Variants in PA2G4 observed in about 807,000 individuals in gnomAD.
PA2G4 encodes proliferation-associated 2G4.
In PA2G4, 8 loss-of-function variants were observed where a neutral mutation model predicts 53.3. That is an observed-to-expected ratio of 0.15 (90% CI 0.09 to 0.27). PA2G4 has a LOEUF of 0.27. Ranked by LOEUF, PA2G4 falls within the 10% of genes least tolerant of loss-of-function variation. PA2G4 has a pLI of 1.00. For missense variants in PA2G4, 208 were observed against 486.8 expected (o/e 0.43, Z 5.39); for synonymous variants, 143 against 169.8 (o/e 0.84, Z 1.23).
intron 5 of PA2G4, among the ~76,000 whole-genome samples, chr12:56,108,369 CA>C (rs1869343900): frequency 6.6e-6 from 1 of 152,196 alleles, no homozygotes; most frequent in South Asian, 2.1e-4. Flanking sequence ...TGTTCACATG[CA>C]AAATTTATTG....
At chr12:56,105,863 A>C (rs1869288567) in intron 1 of PA2G4, among the ~76,000 whole-genome samples, 2 of 152,172 alleles carry the variant, frequency 1.3e-5, no homozygotes, top group African/African-American at 4.8e-5. Flanking sequence ...GGTATTTAGG[A>C]TGCCTCCCGT....
chr12:56,110,943 G>A (rs774066201), intron 9 of PA2G4, 21 bp from the exon 10 acceptor site: 2 of 1,605,936 alleles, frequency 1.2e-6, no homozygotes, highest in South Asian at 2.2e-5. Flanking sequence ...AGATACCTCT[G>A]AATATCATCT....
rs1393063428 is a variant in PA2G4, at chr12:56,105,099, G to A, written c.88+274G>A. On this transcript the variant is annotated intron_variant, in intron 1 of 12. Coordinates refer to ENST00000303305, the MANE Select transcript of PA2G4 (RefSeq NM_006191.3). ...CCGACCCGAGGCCGTTTGTTAGGAG[G>A]CAAGACGTGTTTTCTCTTGTTCCTA... 7.4e-6 allele frequency: 5 copies of A among 679,454 alleles called. No individual in the cohort carries two copies. The East Asian group carries it at 1.4e-4, about 19-fold the overall frequency. The allele number at this position is 679,454 out of a possible 1,614,324, so 42.1% of individuals were successfully genotyped here. A position where few individuals can be genotyped will look rare whatever the true frequency, so the allele number is the denominator to read the frequency against.
At chr12:56,110,009 G>T in intron 7 of PA2G4, 74 bp downstream of exon 7, 1 of 1,017,328 alleles carries the variant, frequency 9.8e-7, no homozygotes, top group South Asian at 1.3e-5. Flanking sequence ...ACTCCCAACT[G>T]AATCTTGTCC....
chr12:56,111,881 G>T (rs1000454579), intron 12 of PA2G4, among the ~76,000 whole-genome samples: 1 of 151,242 alleles, frequency 6.6e-6, no homozygotes, highest in Non-Finnish European at 1.5e-5. Context: ...GGGAGGCTAA[G>T]GCGGATGGAT....
At position 56,104,779 on chromosome 12, in the gene PA2G4, G is replaced by C. The variant is rs1384371556; in HGVS notation, c.42G>C (p.Glu14Asp). The C allele has an allele frequency of 6.2e-7, 1 of 1,613,928 alleles. No individual in the cohort carries two copies. The highest frequency in any genetic ancestry group is 1.7e-5 in the Admixed American group (1 of 60,012). The change falls in exon 1 of 13, where the codon GAG (glutamate) becomes GAC (aspartate). Residue 14 changes from glutamate (E) to aspartate (D), a missense_variant. Around this residue, in one of 3 missense-constraint regions of PA2G4, gnomAD observed 15 missense variants for 17.6 expected, o/e 0.85. Transcript: ENST00000303305. ...AGCAACAGGAGCAAACTATCGCTGA[G>C]GACCTGGTCGTGACCAAGTATAAGA... ...EDEQQEQTIAEDLVVTKYKMG... is the reference protein window; with the variant it reads ...EDEQQEQTIADDLVVTKYKMG...
Position 56,104,653 on chromosome 12 carries a change from C to G in PA2G4, c.-85C>G. The G allele has an allele frequency of 7.8e-7, 1 of 1,275,636 alleles. No individual in the cohort carries two copies. The highest frequency in any genetic ancestry group is 1.1e-6 in the Non-Finnish European group (1 of 871,036). 79.0% of individuals were successfully genotyped at this position (1,275,636 alleles called of 1,614,324 possible). A position where few individuals can be genotyped will look rare whatever the true frequency, so the allele number is the denominator to read the frequency against. ...GCCCTCTCCTCGAGGATCGAGGGGACTCTGACCACAGCCTGTGGCTGGGAA... is the reference window on the plus strand; with the variant it reads ...GCCCTCTCCTCGAGGATCGAGGGGAGTCTGACCACAGCCTGTGGCTGGGAA... On this transcript the variant is annotated 5_prime_UTR_variant, in exon 1 of 13. Transcript: ENST00000303305.
Position 56,104,836 on chromosome 12 carries a change from C to T in PA2G4, c.88+11C>T. On this transcript the variant is annotated intron_variant, in intron 1 of 12. Coordinates refer to ENST00000303305, the MANE Select transcript of PA2G4 (RefSeq NM_006191.3). ...GCGACATCGCCAACAGTGAGTGCGGCCTCGGGGGTCGGGGAATCAAGGCTG... is the reference window on the plus strand; with the variant it reads ...GCGACATCGCCAACAGTGAGTGCGGTCTCGGGGGTCGGGGAATCAAGGCTG... 6.2e-7 allele frequency: 1 copy of T among 1,608,708 alleles called. No homozygotes were observed. The highest frequency in any genetic ancestry group is 8.5e-7 in the Non-Finnish European group (1 of 1,175,664).
intron 5 of PA2G4, among the ~76,000 whole-genome samples, chr12:56,108,262 A>G (rs1425570096): frequency 6.6e-6 from 1 of 152,188 alleles, no homozygotes; most frequent in Non-Finnish European, 1.5e-5. Flanking sequence ...CAGGTTTATG[A>G]CCAAGTTCTT....
intron 12 of PA2G4, among the ~76,000 whole-genome samples, 179 bp from the exon 13 acceptor site, chr12:56,112,644 T>C (rs1482944836): frequency 1.3e-5 from 2 of 151,940 alleles, no homozygotes; most frequent in Non-Finnish European, 2.9e-5. Flanking sequence ...TAGTCCCAGC[T>C]ACCTGGGAGG....
rs776970343 is a variant in PA2G4, at chr12:56,110,953, T to G, written c.843-11T>G. ...GTTAAAGATACCTCTGAATATCATC[T>G]TCCCTGCCAGAGCATTTGAAGATGA... On this transcript the variant is annotated splice_polypyrimidine_tract_variant and intron_variant, in intron 9 of 12. Coordinates refer to ENST00000303305, the MANE Select transcript of PA2G4 (RefSeq NM_006191.3). 2 of 1,611,366 alleles carry G rather than the reference T, an allele frequency of 1.2e-6. No individual in the cohort carries two copies. Among genetic ancestry groups the G allele is most frequent in the Admixed American group, 3.3e-5 (2 of 59,972 alleles).
chr12:56,110,392 C>T lies in PA2G4; in HGVS notation c.630-7C>T, dbSNP rs1394157247. 10 of 1,568,144 alleles carry T rather than the reference C, an allele frequency of 6.4e-6. No homozygotes were observed. The highest frequency in any genetic ancestry group is 8.8e-6 in the Non-Finnish European group (10 of 1,138,802). On this transcript the variant is annotated splice_region_variant and splice_polypyrimidine_tract_variant and intron_variant, in intron 7 of 12. Transcript: ENST00000303305. ...AAAAAAAATTCCTTTCTCTCTATTC[C>T]TTTTAGGAAGGACCATGAAAAAGCT...
rs375933239 is a variant in PA2G4, at chr12:56,108,056, C to G, written c.486+443C>G. On this transcript the variant is annotated intron_variant, in intron 5 of 12. Coordinates refer to ENST00000303305, the MANE Select transcript of PA2G4 (RefSeq NM_006191.3). ...AAGAAAAAGGAAAAATAAGCATTTGCTGTCCCCACAAAACAGATTAGAATG... is the reference window on the plus strand; with the variant it reads ...AAGAAAAAGGAAAAATAAGCATTTGGTGTCCCCACAAAACAGATTAGAATG... Among the ~76,000 whole-genome samples the G allele has an allele frequency of 2.0e-5, 3 of 152,062 alleles. No homozygotes were observed. In the East Asian group the frequency reaches 5.8e-4, roughly 29 times the overall value.
intron 5 of PA2G4, among the ~76,000 whole-genome samples, chr12:56,108,986 C>T (rs1261383315): frequency 2.0e-5 from 3 of 151,574 alleles, no homozygotes; most frequent in Non-Finnish European, 4.4e-5. Flanking sequence ...ATTAGCTGGG[C>T]GTGGTGTTGC....
At chr12:56,110,029 T>G in intron 7 of PA2G4, 94 bp downstream of exon 7, 1 of 897,346 alleles carries the variant, frequency 1.1e-6, no homozygotes, top group Non-Finnish European at 1.9e-6. Flanking sequence ...CGCCCTCTAC[T>G]CCATGTTTTC....
rs1054351310 is a variant in PA2G4 at position 56,110,846 on chromosome 12, A to T, written c.843-118A>T. ...TCTCCTTCTCATTGAAGGTAATGTA[A>T]AAGAGCAATCCTAAGCATGATTTCT... On this transcript the variant is annotated intron_variant, in intron 9 of 12. Coordinates refer to ENST00000303305, the MANE Select transcript of PA2G4 (RefSeq NM_006191.3). 27 of 1,329,288 alleles carry T rather than the reference A, an allele frequency of 2.0e-5. No individual in the cohort carries two copies. In the South Asian group the frequency reaches 3.4e-4, roughly 17 times the overall value. 82.3% of individuals were successfully genotyped at this position (1,329,288 alleles called of 1,614,324 possible).
At chr12:56,111,629 C>G (rs1382993929) in intron 12 of PA2G4, 100 bp downstream of exon 12, 2 of 1,005,486 alleles carry the variant, frequency 2.0e-6, no homozygotes, top group Non-Finnish European at 3.1e-6. Flanking sequence ...TATACAGATG[C>G]TCCTCAACTT....
In PA2G4 at chr12:56,111,546, C is replaced by G. The variant is rs758176338; in HGVS notation, c.1119+17C>G. On this transcript the variant is annotated intron_variant, in intron 12 of 12. Coordinates refer to ENST00000303305, the MANE Select transcript of PA2G4 (RefSeq NM_006191.3). ...AAAAAGAAGGTGTGTTATTAACGAT[C>G]ATTCCTCTCTGGCAGGGTGAACCTG... The G allele has an allele frequency of 6.2e-7, 1 of 1,609,546 alleles. No homozygotes were observed. The highest frequency in any genetic ancestry group is 2.2e-5 in the East Asian group (1 of 44,828).
intron 1 of PA2G4, among the ~76,000 whole-genome samples, chr12:56,105,464 A>C (rs1869280874): frequency 6.6e-6 from 1 of 152,194 alleles, no homozygotes; most frequent in Non-Finnish European, 1.5e-5. Context: ...TGGAGCTTCT[A>C]ATGCAAGTCT....
Sources: gnomAD v4.1 joint callset for allele counts (sites outside exome capture counted in the v4.1 genomes callset) on GRCh38, gnomAD v4.1.1 for gene constraint, gnomAD v4.1.1 regional missense constraint, MANE v1.5 for transcripts, NCBI Gene and HGNC (gene_info 2026-07-23, HGNC 2026-07-21) for gene names.